Variants in CD46 observed in about 807,000 individuals in gnomAD.
CD46 encodes the protein membrane cofactor protein.
CD46 carries 30 observed loss-of-function variants against 53.3 expected under a neutral mutation model. That is an observed-to-expected ratio of 0.56 (90% confidence interval 0.42 to 0.76). CD46 has a LOEUF of 0.76. CD46 is among the 30% of genes least tolerant of loss of function. CD46 has a pLI of 0.00. For missense variants in CD46, 409 were observed against 463.0 expected, an observed-to-expected ratio of 0.88 and a Z score of 1.07; for synonymous variants, 142 against 152.0, an observed-to-expected ratio of 0.93 and a Z score of 0.48.
chr1:207,785,267 C>T (rs917251478), intron 10 of CD46, among the ~76,000 whole-genome samples, 161 bp downstream of exon 10: 1 of 152,078 alleles, frequency 6.6e-6, no homozygotes, highest in African/African-American at 2.4e-5. Context: ...AACTACCTAC[C>T]TTGTGTTAGT....
chr1:207,770,017 C>T (rs575452154), intron 7 of CD46: 7 of 310,516 alleles, frequency 2.3e-5, no homozygotes, highest in East Asian at 7.4e-5. Context: ...TCACCTGCCT[C>T]GGCCTCCCAC....
At chr1:207,772,297 T>C (rs1657599330) in intron 8 of CD46, among the ~76,000 whole-genome samples, 1 of 152,232 alleles carries the variant, frequency 6.6e-6, no homozygotes, top group Non-Finnish European at 1.5e-5. Flanking sequence ...TGTGGAGATT[T>C]TGGGCTGAGA....
intron 8 of CD46, among the ~76,000 whole-genome samples, chr1:207,779,976 T>G (rs1433885666): frequency 4.9e-5 from 7 of 142,360 alleles, no homozygotes; most frequent in Non-Finnish European, 1.1e-4. Flanking sequence ...AACACTTCCT[T>G]TTCAGAAATT....
intron 7 of CD46, chr1:207,768,376 A>G (rs1345492044): frequency 6.5e-6 from 1 of 153,474 alleles, no homozygotes; most frequent in East Asian, 1.9e-4. Context: ...GTTTGTTCCT[A>G]TTGCAGGACT....
intron 1 of CD46, among the ~76,000 whole-genome samples, chr1:207,756,287 G>A (rs1655525107): frequency 1.3e-5 from 2 of 152,156 alleles, no homozygotes; most frequent in South Asian, 4.1e-4. Context: ...AAATCACAGG[G>A]TGAGTAATTC....
At chr1:207,768,056 A>G (rs1346089225) in intron 7 of CD46, 1 of 495,580 alleles carries the variant, frequency 2.0e-6, no homozygotes, top group Non-Finnish European at 3.6e-6. Context: ...GAATGTGTTT[A>G]TATATATATG....
Position 207,757,657 on chromosome 1 carries a change from A to T in CD46, c.389+15A>T. 1 of 1,429,208 alleles carries T rather than the reference A, an allele frequency of 7.0e-7. No individual in the cohort carries two copies. Among genetic ancestry groups the T allele is most frequent in the Non-Finnish European group, 9.8e-7 (1 of 1,015,840 alleles). The allele number at this position is 1,429,208 out of a possible 1,614,324, so 88.5% of individuals were successfully genotyped here. ...TGTAATGAGGGGTAAGTTGCTCCTT[A>T]GAGGAAATAAGGGAAGTGTTAGTAA... On this transcript the variant is annotated intron_variant, in intron 3 of 12. Transcript: ENST00000367042.
At chr1:207,764,989 CATT>C (rs969695584) in intron 5 of CD46, among the ~76,000 whole-genome samples, 1 of 152,116 alleles carries the variant, frequency 6.6e-6, no homozygotes, top group African/African-American at 2.4e-5. Context: ...AAAACAAAAA[CATT>C]ATAAGAAAAT....
intron 11 of CD46, chr1:207,785,982 G>T: frequency 3.1e-6 from 1 of 326,608 alleles, no homozygotes; most frequent in Non-Finnish European, 5.8e-6. Flanking sequence ...TCACTATGAG[G>T]CCTTCTCTAC....
At chr1:207,785,534 C>G in intron 10 of CD46, 85 bp from the exon 11 acceptor site, 1 of 965,564 alleles carries the variant, frequency 1.0e-6, no homozygotes, top group Non-Finnish European at 1.7e-6. Context: ...TGAAATGTAA[C>G]CAACATTTAT....
At chr1:207,753,397 C>T (rs932626558) in intron 1 of CD46, among the ~76,000 whole-genome samples, 2 of 152,252 alleles carry the variant, frequency 1.3e-5, no homozygotes, top group African/African-American at 4.8e-5. Flanking sequence ...AGGCCAGGCG[C>T]AGTGGCTCAC....
At chr1:207,772,170 A>C (rs1035652659) in intron 8 of CD46, among the ~76,000 whole-genome samples, 1 of 152,140 alleles carries the variant, frequency 6.6e-6, no homozygotes, top group Admixed American at 6.5e-5. Flanking sequence ...GCAATTGTGA[A>C]TGGGAATTCA....
chr1:207,770,277 G>A (rs1036907095), intron 7 of CD46, 44 bp from the exon 8 acceptor site: 3 of 1,362,050 alleles, frequency 2.2e-6, no homozygotes, highest in African/African-American at 2.9e-5. Context: ...ATTTTATATT[G>A]ATAAGGCCCT....
chr1:207,762,550 C>G (rs929810841), intron 5 of CD46: 4 of 152,218 alleles, frequency 2.6e-5, no homozygotes, highest in Admixed American at 2.0e-4. Flanking sequence ...TTAACCAATA[C>G]TGAGAATGAA....
intron 8 of CD46, among the ~76,000 whole-genome samples, chr1:207,775,959 C>G (rs1047847245): frequency 6.6e-6 from 1 of 152,204 alleles, no homozygotes; most frequent in Non-Finnish European, 1.5e-5. Context: ...TCTACTATGC[C>G]CTGCCCCCAG....
chr1:207,787,368 G>A lies in CD46; in HGVS notation c.1082+1686G>A, dbSNP rs1282783166. Among the ~76,000 whole-genome samples, 12 of 152,170 alleles carry A rather than the reference G, an allele frequency of 7.9e-5. No homozygotes were observed. In the Middle Eastern group the frequency reaches 0.01, roughly 129 times the overall value. On this transcript the variant is annotated intron_variant, in intron 11 of 12. Transcript: ENST00000367042. ...ATTACAGGCATGAGCCACCGCGCCC[G>A]GCCTTAATGGGTCTTTTAAAGCTCA...
chr1:207,758,665 G>A (rs1175745463), intron 3 of CD46, among the ~76,000 whole-genome samples: 2 of 152,106 alleles, frequency 1.3e-5, no homozygotes, highest in Non-Finnish European at 2.9e-5. Flanking sequence ...TCAAACAATA[G>A]CAGTAACACA....
rs1254960958 is a variant in CD46, at chr1:207,757,675, GT to G, written c.389+35del. 2.3e-6 allele frequency: 3 copies of G among 1,325,112 alleles called. No individual in the cohort carries two copies. In the African/African-American group the frequency reaches 4.3e-5, roughly 19 times the overall value. The allele number at this position is 1,325,112 out of a possible 1,614,324, so 82.1% of individuals were successfully genotyped here. On this transcript the variant is annotated intron_variant, in intron 3 of 12. Coordinates refer to ENST00000367042, the MANE Select transcript of CD46 (RefSeq NM_172351.3). ...GCTCCTTAGAGGAAATAAGGGAAGT[GT>G]TAGTAATTTTATTTTTGTTTTGCTT... is the stretch of plus-strand genomic sequence containing the variant.
chr1:207,763,564 G>A (rs1656483167), intron 5 of CD46, among the ~76,000 whole-genome samples: 1 of 152,162 alleles, frequency 6.6e-6, no homozygotes, highest in Admixed American at 6.5e-5. Flanking sequence ...CAGCAATCTT[G>A]TTTAAATTTA....
Sources: allele counts gnomAD v4.1 joint callset (sites outside exome capture counted in the v4.1 genomes callset), GRCh38; gene constraint gnomAD v4.1.1; transcripts MANE v1.5; gene names NCBI Gene and HGNC (gene_info 2026-07-23, HGNC 2026-07-21).